Variants in ASIC2 observed in about 807,000 individuals in gnomAD.
ASIC2 encodes the protein acid-sensing ion channel 2.
A neutral mutation model predicts 57.3 loss-of-function variants in ASIC2; 25 were observed. The observed-to-expected ratio is 0.44, with a 90% confidence interval of 0.32 to 0.61. The LOEUF is 0.61. Ranked by LOEUF, ASIC2 falls within the 20% of genes least tolerant of loss-of-function variation. The pLI, the probability that ASIC2 is intolerant of heterozygous loss-of-function variation, is 0.06. For synonymous variants in ASIC2, 319 were observed against 307.5 expected, an observed-to-expected ratio of 1.04 and a Z score of -0.39; for missense variants, 641 against 738.1, an observed-to-expected ratio of 0.87 and a Z score of 1.52.
chr17:33,700,822 A>G (rs898714994), intron 1 of ASIC2, among the ~76,000 whole-genome samples: 1 of 152,182 alleles, frequency 6.6e-6, no homozygotes, highest in Non-Finnish European at 1.5e-5. Context: ...GGGAGGGTCC[A>G]TGGATGAAGG....
intron 1 of ASIC2, among the ~76,000 whole-genome samples, chr17:34,095,630 ATTTTATATATATATATATATATAT>A (rs1433255872): frequency 3.9e-5 from 3 of 77,456 alleles, no homozygotes; most frequent in East Asian, 2.8e-4. Flanking sequence ...TATATATATA[ATTTTATATATATATATATATATAT>A]AATTTTATAT....
At chr17:33,159,803 C>A (rs1191696912) in intron 1 of ASIC2, among the ~76,000 whole-genome samples, 4 of 152,134 alleles carry the variant, frequency 2.6e-5, no homozygotes, top group Non-Finnish European at 5.9e-5. Context: ...TCTTCTTGTG[C>A]CTCAATTTCC....
intron 1 of ASIC2, among the ~76,000 whole-genome samples, chr17:33,349,536 A>T (rs1908079182): frequency 6.6e-6 from 1 of 152,154 alleles, no homozygotes; most frequent in South Asian, 2.1e-4. Context: ...CTCCCCAAGA[A>T]CTTTGTTCTT....
intron 1 of ASIC2, among the ~76,000 whole-genome samples, chr17:34,045,929 A>G (rs1248708020): frequency 5.9e-5 from 9 of 152,188 alleles, no homozygotes; most frequent in Non-Finnish European, 1.3e-4. Flanking sequence ...AGGTAGTATC[A>G]CCATGCCAGT....
At chr17:33,165,128 C>G (rs1348233225) in intron 1 of ASIC2, among the ~76,000 whole-genome samples, 1 of 152,218 alleles carries the variant, frequency 6.6e-6, no homozygotes, top group Non-Finnish European at 1.5e-5. Context: ...CCCTGGGATC[C>G]TATTCTGGAC....
intron 1 of ASIC2, among the ~76,000 whole-genome samples, chr17:33,200,212 T>A (rs1906804235): frequency 6.6e-6 from 1 of 151,840 alleles, no homozygotes; most frequent in African/African-American, 2.4e-5. Context: ...TCTTCTCTCT[T>A]GGACTGAAGG....
chr17:33,888,938 A>G (rs1035191346), intron 1 of ASIC2, among the ~76,000 whole-genome samples: 1 of 152,132 alleles, frequency 6.6e-6, no homozygotes, highest in African/African-American at 2.4e-5. Context: ...GAGGGACCCA[A>G]AAGAATTTCT....
chr17:33,021,008 A>C (rs907194272), intron 7 of ASIC2, among the ~76,000 whole-genome samples: 2 of 152,136 alleles, frequency 1.3e-5, no homozygotes, highest in Non-Finnish European at 2.9e-5. Context: ...TGGGGAATAA[A>C]TTGGGCCTGA....
chr17:33,913,918 C>T (rs1045975134), intron 1 of ASIC2, among the ~76,000 whole-genome samples: 9 of 152,158 alleles, frequency 5.9e-5, no homozygotes, highest in Admixed American at 3.9e-4. Flanking sequence ...AGATAGATGC[C>T]ATTAATTCTA....
chr17:33,869,953 G>T lies in ASIC2; in HGVS notation c.555+286025C>A, dbSNP rs8070802. On this transcript the variant is annotated intron_variant, in intron 1 of 9. Transcript: ENST00000359872. ...AAACAAACAAAACACCAGATGGCAG[G>T]CTGTATTTGGCCCAATGGCTGTAGT... Among the ~76,000 whole-genome samples, 355 of 152,324 alleles carry T rather than the reference G, an allele frequency of 2.3e-3. 4 individuals carry two copies. The highest frequency in any genetic ancestry group is 8.3e-3 in the African/African-American group (344 of 41,576).
chr17:33,415,127 A>G (rs1910797338), intron 1 of ASIC2, among the ~76,000 whole-genome samples: 1 of 152,158 alleles, frequency 6.6e-6, no homozygotes, highest in Non-Finnish European at 1.5e-5. Flanking sequence ...ACTTTAGGCA[A>G]GTCACTTACC....
At chr17:33,059,649 A>T (rs1307306674) in intron 3 of ASIC2, among the ~76,000 whole-genome samples, 1 of 152,174 alleles carries the variant, frequency 6.6e-6, no homozygotes, top group Non-Finnish European at 1.5e-5. Flanking sequence ...TAGCAGCATG[A>T]TTTATAGTCC....
At chr17:33,860,584 G>A (rs1027549387) in intron 1 of ASIC2, among the ~76,000 whole-genome samples, 2 of 152,174 alleles carry the variant, frequency 1.3e-5, no homozygotes, top group Non-Finnish European at 2.9e-5. Flanking sequence ...CAGACTATAG[G>A]CTGAGTAATT....
intron 1 of ASIC2, among the ~76,000 whole-genome samples, chr17:33,861,522 T>C (rs901360727): frequency 1.3e-5 from 2 of 152,180 alleles, no homozygotes; most frequent in Non-Finnish European, 2.9e-5. Flanking sequence ...TAACTAAGAA[T>C]TTCATTTGTG....
intron 1 of ASIC2, among the ~76,000 whole-genome samples, chr17:33,763,758 A>G (rs908853114): frequency 6.6e-6 from 1 of 152,232 alleles, no homozygotes; most frequent in Non-Finnish European, 1.5e-5. Flanking sequence ...AGAAGATCCC[A>G]GGCCAACCTA....
At chr17:33,186,654 T>C (rs1367060980) in intron 1 of ASIC2, among the ~76,000 whole-genome samples, 1 of 152,154 alleles carries the variant, frequency 6.6e-6, no homozygotes, top group East Asian at 1.9e-4. Context: ...CAAGAAGTTT[T>C]GCAAAGGGGG....
intron 1 of ASIC2, among the ~76,000 whole-genome samples, chr17:34,048,521 C>A (rs572108831): frequency 2.5e-4 from 38 of 152,278 alleles, no homozygotes; most frequent in East Asian, 7.7e-4. Flanking sequence ...CTATCATCTC[C>A]CAAACCATCT....
At chr17:33,276,947 C>T (rs920776599) in intron 1 of ASIC2, among the ~76,000 whole-genome samples, 4 of 152,146 alleles carry the variant, frequency 2.6e-5, no homozygotes, top group African/African-American at 4.8e-5. Flanking sequence ...TTATTCCATC[C>T]TGCTTTTGCC....
At chr17:33,963,264 G>A (rs914041036) in intron 1 of ASIC2, among the ~76,000 whole-genome samples, 1 of 152,086 alleles carries the variant, frequency 6.6e-6, no homozygotes, top group Non-Finnish European at 1.5e-5. Context: ...TGCTCTCTAC[G>A]TTGCATCGCT....
Sources: gnomAD v4.1 joint callset for allele counts (sites outside exome capture counted in the v4.1 genomes callset) on GRCh38, gnomAD v4.1.1 for gene constraint, MANE v1.5 for transcripts, NCBI Gene and HGNC (gene_info 2026-07-23, HGNC 2026-07-21) for gene names.